Variants in NHS observed in about 807,000 individuals in gnomAD.
NHS encodes actin remodeling regulator NHS.
NHS carries 5 observed loss-of-function variants against 72.5 expected under a neutral mutation model. The observed-to-expected ratio is 0.07, with a 90% CI of 0.04 to 0.14. NHS has a LOEUF of 0.14. NHS is among the 10% of genes least tolerant of loss of function. The pLI is 1.00. For missense variants in NHS, 1,072 were observed against 1,355.7 expected, an observed-to-expected ratio of 0.79 and a Z score of 3.29; for synonymous variants, 464 against 547.7, an observed-to-expected ratio of 0.85 and a Z score of 2.13.
intron 1 of NHS, among the ~76,000 whole-genome samples, chrX:17,590,035 T>C (rs181617837): frequency 8.9e-6 from 1 of 111,990 alleles, no homozygotes; most frequent in African/African-American, 3.2e-5. Flanking sequence ...CATGAAGTTT[T>C]AAATGTTCAA....
At chrX:17,723,726 G>GGTGTGTGCGTGTGT (rs2066419133) in intron 5 of NHS, among the ~76,000 whole-genome samples, 1 of 71,075 alleles carries the variant, frequency 1.4e-5, no homozygotes, top group Admixed American at 1.7e-4. Flanking sequence ...CAGCAAAAGA[G>GGTGTGTGCGTGTGT]GTGTGTGTGT....
intron 1 of NHS, among the ~76,000 whole-genome samples, chrX:17,534,658 T>C (rs2065214808): frequency 1.8e-5 from 2 of 112,136 alleles, no homozygotes; most frequent in African/African-American, 6.5e-5. Context: ...TATGGACTCT[T>C]CCAAGCATAA....
chrX:17,598,182 C>G (rs371939338), intron 1 of NHS, among the ~76,000 whole-genome samples: 1 of 111,145 alleles, frequency 9.0e-6, no homozygotes, highest in African/African-American at 3.3e-5. Context: ...TTCCAACAGG[C>G]CTTCTTGGGC....
intron 1 of NHS, among the ~76,000 whole-genome samples, chrX:17,449,792 A>G (rs972230851): frequency 2.7e-5 from 3 of 111,777 alleles, no homozygotes; most frequent in Non-Finnish European, 5.6e-5. Flanking sequence ...ATAATTGCTT[A>G]TATCCGGAAG....
chrX:17,534,075 G>A (rs983638764), intron 1 of NHS, among the ~76,000 whole-genome samples: 2 of 103,133 alleles, frequency 1.9e-5, no homozygotes, highest in South Asian at 4.5e-4. Context: ...AGCCTTCTTC[G>A]GACTGTTGCC....
At chrX:17,664,462 C>T (rs1225910539) in intron 1 of NHS, among the ~76,000 whole-genome samples, 10 of 111,937 alleles carry the variant, frequency 8.9e-5, no homozygotes, top group Non-Finnish European at 1.5e-4. Flanking sequence ...AAACTCCTTC[C>T]TTTCTCCCAT....
At chrX:17,447,783 A>ACG (rs768237925) in intron 1 of NHS, among the ~76,000 whole-genome samples, 6 of 83,205 alleles carry the variant, frequency 7.2e-5, no homozygotes, top group Admixed American at 1.3e-4. Flanking sequence ...GCACACACAC[A>ACG]CGCACACACA....
chrX:17,451,779 C>T (rs896203859), intron 1 of NHS, among the ~76,000 whole-genome samples: 1 of 112,061 alleles, frequency 8.9e-6, no homozygotes, highest in African/African-American at 3.2e-5. Flanking sequence ...GTAGTGTAAC[C>T]TATAGGAGAT....
intron 1 of NHS, among the ~76,000 whole-genome samples, chrX:17,547,293 C>T (rs749250173): frequency 2.7e-5 from 3 of 112,567 alleles, no homozygotes; most frequent in Admixed American, 9.3e-5. Flanking sequence ...GAGCAGTGGG[C>T]GCTGCTGAGC....
At chrX:17,527,643 AG>A (rs1011614271) in intron 1 of NHS, among the ~76,000 whole-genome samples, 3 of 112,418 alleles carry the variant, frequency 2.7e-5, no homozygotes, top group African/African-American at 6.5e-5. Context: ...GACACAATAG[AG>A]GGAGTGCTCC....
In NHS at chrX:17,510,721, A is replaced by C. The variant is rs139470697; in HGVS notation, c.565+134399A>C. Among the ~76,000 whole-genome samples, 730 of 112,163 alleles carry C rather than the reference A, an allele frequency of 6.5e-3. 10 individuals carry two copies. Among genetic ancestry groups the C allele is most frequent in the African/African-American group, 0.023 (698 of 30,874 alleles). On this transcript the variant is annotated intron_variant, in intron 1 of 8. Coordinates refer to ENST00000676302, the MANE Select transcript of NHS (RefSeq NM_001291867.2). ...GTCTTTCTGATTCAGACATTGTTAC[A>C]TGTAAAAATAAACTCCAGCCTTATT...
intron 1 of NHS, among the ~76,000 whole-genome samples, chrX:17,455,340 T>A (rs2064821693): frequency 8.9e-6 from 1 of 112,198 alleles, no homozygotes; most frequent in African/African-American, 3.2e-5. Flanking sequence ...CTCATCATCA[T>A]GGTCATTAAC....
At chrX:17,640,263 A>G (rs140686039) in intron 1 of NHS, among the ~76,000 whole-genome samples, 1,131 of 111,801 alleles carry the variant, frequency 0.01, 21 homozygotes, top group African/African-American at 0.035. Context: ...GGTGGGTAGC[A>G]TGGCTCTTTC....
chrX:17,534,820 G>A (rs2065215606), intron 1 of NHS, among the ~76,000 whole-genome samples: 1 of 112,372 alleles, frequency 8.9e-6, no homozygotes, highest in Non-Finnish European at 1.9e-5. Context: ...CTTGGCATCT[G>A]GTGTCCCAGT....
chrX:17,458,682 G>A (rs972146680), intron 1 of NHS, among the ~76,000 whole-genome samples: 1 of 111,127 alleles, frequency 9.0e-6, no homozygotes, highest in Non-Finnish European at 1.9e-5. Context: ...TATTAGAGTT[G>A]GGGTTTCGCC....
At chrX:17,615,736 C>T (rs915993842) in intron 1 of NHS, among the ~76,000 whole-genome samples, 12 of 110,296 alleles carry the variant, frequency 1.1e-4, no homozygotes, top group Admixed American at 4.8e-4. Flanking sequence ...TATCCATTTA[C>T]ATGCATTCCT....
chrX:17,456,031 T>C (rs1172056557), intron 1 of NHS, among the ~76,000 whole-genome samples: 1 of 111,988 alleles, frequency 8.9e-6, no homozygotes. Flanking sequence ...ACAAAGGGGC[T>C]GTGAGGTGCA....
chrX:17,583,851 G>A (rs1018934040), intron 1 of NHS, among the ~76,000 whole-genome samples: 5 of 112,368 alleles, frequency 4.4e-5, no homozygotes, highest in African/African-American at 1.6e-4. Flanking sequence ...TCTTAATGAG[G>A]TTTTAGAACA....
Position 17,652,090 on chromosome X carries a change from A to C in NHS, c.566-35652A>C, listed in dbSNP as rs147311992. ...GGCTGCTTTTGAGCTACAACAGCAG[A>C]GTAGAGTAGTTGCAACAGAGACTAC... On this transcript the variant is annotated intron_variant, in intron 1 of 8. Coordinates refer to ENST00000676302, the MANE Select transcript of NHS (RefSeq NM_001291867.2). Among the ~76,000 whole-genome samples, 215 of 112,566 alleles carry C rather than the reference A, an allele frequency of 1.9e-3. 1 individual carries two copies. The highest frequency in any genetic ancestry group is 6.3e-3 in the African/African-American group (196 of 31,010).
Sources: gnomAD v4.1 joint callset for allele counts (sites outside exome capture counted in the v4.1 genomes callset) on GRCh38, gnomAD v4.1.1 for gene constraint, MANE v1.5 for transcripts, NCBI Gene and HGNC (gene_info 2026-07-23, HGNC 2026-07-21) for gene names.